MAP3K4: variants seen among roughly 807,000 people sequenced by gnomAD.
The protein encoded by MAP3K4 is MAP three kinase 1.
MAP3K4 carries 67 observed loss-of-function variants against 185.6 expected under a neutral mutation model. The observed-to-expected ratio is 0.36, with a 90% CI of 0.30 to 0.44. The LOEUF (loss-of-function observed/expected upper bound fraction) is 0.44. Among genes scored for constraint, MAP3K4 ranks in the 20% least tolerant of loss-of-function variants. The pLI, the probability that MAP3K4 is intolerant of heterozygous loss-of-function variation, is 1.00. For synonymous variants in MAP3K4, 702 were observed against 710.4 expected, an observed-to-expected ratio of 0.99 and a Z score of 0.19; for missense variants, 1,551 against 1,995.1, an observed-to-expected ratio of 0.78 and a Z score of 4.24.
rs1784905734 is a variant in MAP3K4 at position 161,070,789 on chromosome 6, G to C, written c.1889G>C (p.Cys630Ser). ...GTCCTTCTGAATGTCATACATGAGT[G>C]TCTGAAGTTAAGATTGGAGCAGAGA... ...CRVLLNVIHE[C>S]LKLRLEQRPA... Residue 630 changes from cysteine (C) to serine (S), a missense_variant, in exon 4 of 27, where the codon TGT (cysteine) becomes TCT (serine). Physicochemically the swap from Cys to Ser is moderately radical, Grantham distance 112. Around this residue, in one of 16 missense-constraint regions of MAP3K4, gnomAD observed 27 missense variants for 64.4 expected, o/e 0.42. Transcript: ENST00000392142. This position sits in a 1 kb window ranked among gnomAD's most constrained non-coding sequence, Gnocchi z 4.5. The C allele has an allele frequency of 7.4e-6, 12 of 1,614,078 alleles. No individual in the cohort carries two copies. Among genetic ancestry groups the C allele is most frequent in the Non-Finnish European group, 1.0e-5 (12 of 1,179,986 alleles).
intron 3 of MAP3K4, among the ~76,000 whole-genome samples, chr6:161,050,927 C>G (rs1783973458): frequency 6.6e-6 from 1 of 152,186 alleles, no homozygotes; most frequent in Non-Finnish European, 1.5e-5. Context: ...TTGGGACTTC[C>G]CACGGATCCC....
chr6:160,999,706 T>A (rs1781179138), intron 1 of MAP3K4, among the ~76,000 whole-genome samples: 1 of 152,168 alleles, frequency 6.6e-6, no homozygotes, highest in Non-Finnish European at 1.5e-5. Context: ...TGTGCTCCCC[T>A]GGTCAAGGTC....
At chr6:161,111,179 C>G (rs1020370178) in intron 23 of MAP3K4, among the ~76,000 whole-genome samples, 10 of 152,186 alleles carry the variant, frequency 6.6e-5, no homozygotes, top group African/African-American at 2.2e-4. Context: ...TCCATTGGCT[C>G]TGTGTTGTTG....
At chr6:161,021,563 C>G (rs911830297) in intron 1 of MAP3K4, among the ~76,000 whole-genome samples, 3 of 152,230 alleles carry the variant, frequency 2.0e-5, no homozygotes, top group African/African-American at 7.2e-5. Context: ...TACCATCTTC[C>G]TAGTTCTCCA....
intron 25 of MAP3K4, among the ~76,000 whole-genome samples, chr6:161,113,922 C>CA (rs1350867152): frequency 6.6e-6 from 1 of 151,456 alleles, no homozygotes; most frequent in African/African-American, 2.4e-5. Context: ...CTCAGCCTCC[C>CA]AAGTAGCTGG....
At position 161,096,821 on chromosome 6, in the gene MAP3K4, G is replaced by A. The variant is rs545934677; in HGVS notation, c.3428-259G>A. The A allele has an allele frequency of 2.7e-6, 1 of 367,964 alleles. No homozygotes were observed. The highest frequency in any genetic ancestry group is 4.4e-5 in the East Asian group (1 of 22,588). 22.8% of individuals were successfully genotyped at this position (367,964 alleles called of 1,614,324 possible). ...AAATCATTTGTTTAGCTTACATTAT[G>A]TATGTTTTACTCCAGGATTTTTAAA... On this transcript the variant is annotated intron_variant, in intron 15 of 26. Coordinates refer to ENST00000392142, the MANE Select transcript of MAP3K4 (RefSeq NM_005922.4). This position sits in a 1 kb window ranked among gnomAD's most constrained non-coding sequence, Gnocchi z 4.9.
intron 1 of MAP3K4, among the ~76,000 whole-genome samples, chr6:161,000,847 GCACATATACACATGTGTACA>G (rs1562471781): frequency 3.5e-5 from 5 of 143,256 alleles, no homozygotes; most frequent in African/African-American, 1.2e-4. Context: ...ACATGTGTAC[GCACATATACACATGTGTACA>G]CATACATATA....
rs190049017 is a variant in MAP3K4 at position 161,096,154 on chromosome 6, G to C, written c.3428-926G>C. Reference sequence around the variant, plus strand: ...TTAACAATCCCTTAAGTTTTGTTTTGTAAGTTCTGTAAGGGAACTTCAGAT... The same window carrying C: ...TTAACAATCCCTTAAGTTTTGTTTTCTAAGTTCTGTAAGGGAACTTCAGAT... On this transcript the variant is annotated intron_variant, in intron 15 of 26. Coordinates refer to ENST00000392142, the MANE Select transcript of MAP3K4 (RefSeq NM_005922.4). This position sits in a 1 kb window ranked among gnomAD's most constrained non-coding sequence, Gnocchi z 4.9. Among the ~76,000 whole-genome samples, 18 of 151,990 alleles carry C rather than the reference G, an allele frequency of 1.2e-4. No individual in the cohort carries two copies. The highest frequency in any genetic ancestry group is 4.1e-4 in the African/African-American group (17 of 41,452).
chr6:161,021,659 G>T (rs1293728005), intron 1 of MAP3K4, among the ~76,000 whole-genome samples: 3 of 152,136 alleles, frequency 2.0e-5, no homozygotes, highest in African/African-American at 7.2e-5. Context: ...AAGTATACTT[G>T]AAATACACTT....
intron 2 of MAP3K4, among the ~76,000 whole-genome samples, chr6:161,040,927 G>T (rs186388818): frequency 6.6e-6 from 1 of 152,366 alleles, no homozygotes; most frequent in African/African-American, 2.4e-5. Context: ...TGGCCAGTGG[G>T]TTCTGCAGGT....
intron 1 of MAP3K4, among the ~76,000 whole-genome samples, chr6:161,030,123 A>G (rs140508970): frequency 6.8e-4 from 104 of 152,112 alleles, no homozygotes; most frequent in African/African-American, 2.4e-3. Flanking sequence ...TTCTTCAGAG[A>G]TTTGTTTCTG....
In MAP3K4 at chr6:161,054,226, C is replaced by T. The variant is rs1406122687; in HGVS notation, c.1707+4247C>T. Reference sequence around the variant, plus strand: ...CTGGAGTGCAATGGCGCTATCTCAGCTCCCTGAGACCTTTGCCTTGGGGGT... The same window carrying T: ...CTGGAGTGCAATGGCGCTATCTCAGTTCCCTGAGACCTTTGCCTTGGGGGT... On this transcript the variant is annotated intron_variant, in intron 3 of 26. Coordinates refer to ENST00000392142, the MANE Select transcript of MAP3K4 (RefSeq NM_005922.4). The surrounding 1 kb of genome is among the most constrained non-coding windows in gnomAD (Gnocchi z 4.2). Among the ~76,000 whole-genome samples, 3 of 152,164 alleles carry T rather than the reference C, an allele frequency of 2.0e-5. No individual in the cohort carries two copies. Among genetic ancestry groups the T allele is most frequent in the Non-Finnish European group, 4.4e-5 (3 of 68,036 alleles).
rs1785585789 is a variant in MAP3K4 at position 161,084,117 on chromosome 6, G to A, written c.2256-384G>A. 6.6e-6 allele frequency among the ~76,000 whole-genome samples: 1 copy of A among 152,184 alleles called. No individual in the cohort carries two copies. ...TATTGACTATACAAAGCTAATTGTG[G>A]GGGAAATTTGTAAAAACAGTTGAAT... On this transcript the variant is annotated intron_variant, in intron 6 of 26. Transcript: ENST00000392142. The surrounding 1 kb of genome is among the most constrained non-coding windows in gnomAD (Gnocchi z 4.6).
At chr6:161,030,133 G>C (rs1371349800) in intron 1 of MAP3K4, among the ~76,000 whole-genome samples, 2 of 151,970 alleles carry the variant, frequency 1.3e-5, no homozygotes, top group Non-Finnish European at 2.9e-5. Context: ...ATTTGTTTCT[G>C]TGCCTCCCTT....
In MAP3K4 at chr6:161,073,666, AAAGT is replaced by A; in HGVS notation, c.2097+58_2097+61del. The A allele has an allele frequency of 6.4e-7, 1 of 1,571,586 alleles. No homozygotes were observed. Among genetic ancestry groups the A allele is most frequent in the Non-Finnish European group, 8.6e-7 (1 of 1,158,046 alleles). On this transcript the variant is annotated intron_variant, in intron 5 of 26. Coordinates refer to ENST00000392142, the MANE Select transcript of MAP3K4 (RefSeq NM_005922.4). The surrounding 1 kb of genome is among the most constrained non-coding windows in gnomAD (Gnocchi z 4.2). ...TTCTTTCTTTGTTTCTTTTTTTAAAAAAGTAAGCCTGTATTTCCTTGTTTTGCAA... is the reference window on the plus strand; with the variant it reads ...TTCTTTCTTTGTTTCTTTTTTTAAAAAAGCCTGTATTTCCTTGTTTTGCAA...
chr6:160,991,993 C>G lies in MAP3K4; in HGVS notation c.62C>G (p.Ala21Gly). 1.3e-6 allele frequency: 2 copies of G among 1,545,964 alleles called. No homozygotes were observed. The highest frequency in any genetic ancestry group is 1.7e-4 in the Middle Eastern group (1 of 5,828). ...GCCTTTGCCGTCACGCCTGCCGCCGCCATGGAGGAGCCGCCGCCACCGCCG... is the reference window on the plus strand; with the variant it reads ...GCCTTTGCCGTCACGCCTGCCGCCGGCATGGAGGAGCCGCCGCCACCGCCG... Reference protein sequence around the residue: ...PPAFAVTPAAAMEEPPPPPPP... With the variant: ...PPAFAVTPAAGMEEPPPPPPP... The change falls in exon 1 of 27, where the codon GCC (alanine) becomes GGC (glycine). Residue 21 changes from alanine (A) to glycine (G), a missense_variant. Ala to Gly is a moderately conservative substitution (Grantham distance 60). Around this residue, in one of 16 missense-constraint regions of MAP3K4, gnomAD observed 287 missense variants for 268.8 expected, o/e 1.07. Coordinates refer to ENST00000392142, the MANE Select transcript of MAP3K4 (RefSeq NM_005922.4). The surrounding 1 kb of genome is among the most constrained non-coding windows in gnomAD (Gnocchi z 5.7).
At chr6:161,079,216 GAAA>G (rs71004026) in intron 5 of MAP3K4, among the ~76,000 whole-genome samples, 2 of 115,976 alleles carry the variant, frequency 1.7e-5, no homozygotes, top group Admixed American at 9.8e-5. Flanking sequence ...CCTGTCTCAA[GAAA>G]AAAAAAAAAA....
At position 161,076,274 on chromosome 6, in the gene MAP3K4, G is replaced by C. The variant is rs935881942; in HGVS notation, c.2097+2662G>C. On this transcript the variant is annotated intron_variant, in intron 5 of 26. Transcript: ENST00000392142. This position sits in a 1 kb window ranked among gnomAD's most constrained non-coding sequence, Gnocchi z 4.2. ...CTGTCTCTCCAGGGATTCTGTTGTT[G>C]ACTGAAGAGCTGCCCGACAGAAGGA... 6.6e-6 allele frequency among the ~76,000 whole-genome samples: 1 copy of C among 152,190 alleles called. No homozygotes were observed. The highest frequency in any genetic ancestry group is 1.5e-5 in the Non-Finnish European group (1 of 68,034).
intron 25 of MAP3K4, among the ~76,000 whole-genome samples, chr6:161,113,349 G>A (rs1053320372): frequency 6.6e-6 from 1 of 152,222 alleles, no homozygotes; most frequent in African/African-American, 2.4e-5. Context: ...GTAGAAAGAT[G>A]AGTGGTTGCC....
Sources: gnomAD v4.1 joint callset for allele counts (sites outside exome capture counted in the v4.1 genomes callset) on GRCh38, gnomAD v4.1.1 for gene constraint, gnomAD v4.1.1 regional missense constraint, Gnocchi (gnomAD v3.1) non-coding constraint, MANE v1.5 for transcripts, NCBI Gene and HGNC (gene_info 2026-07-23, HGNC 2026-07-21) for gene names.